WWOX: variants seen among roughly 807,000 people sequenced by gnomAD.
WWOX encodes the protein WW domain containing oxidoreductase.
WWOX carries 69 observed loss-of-function variants against 46.2 expected under a neutral mutation model. The ratio of observed to expected loss-of-function variants is 1.49; its 90% CI spans 1.23 to 1.82. WWOX has a LOEUF of 1.82. Ranked by LOEUF, WWOX falls within the 40% of genes most tolerant of loss-of-function variation. The probability of loss-of-function intolerance (pLI) is 0.00; values close to 1 mark genes in which losing one functional copy is unlikely to be tolerated. For missense variants in WWOX, 919 were observed against 542.6 expected, an observed-to-expected ratio of 1.69 and a Z score of -6.89; for synonymous variants, 359 against 202.6, an observed-to-expected ratio of 1.77 and a Z score of -6.56.
intron 8 of WWOX, among the ~76,000 whole-genome samples, chr16:79,198,014 C>G (rs930566348): frequency 1.2e-4 from 19 of 152,124 alleles, no homozygotes; most frequent in African/African-American, 4.6e-4. Flanking sequence ...CTACCAAAAT[C>G]TGAGGAACAA....
intron 8 of WWOX, among the ~76,000 whole-genome samples, chr16:78,469,812 G>C (rs1299257190): frequency 2.6e-5 from 4 of 152,142 alleles, no homozygotes; most frequent in African/African-American, 9.7e-5. Flanking sequence ...CCAGCCACAG[G>C]GCCAAGTGAC....
intron 8 of WWOX, among the ~76,000 whole-genome samples, chr16:78,599,180 A>G (rs1043135818): frequency 3.9e-5 from 6 of 152,186 alleles, no homozygotes; most frequent in Non-Finnish European, 7.3e-5. Context: ...CGGGATCAAG[A>G]CAGAAATGTA....
rs1397096257 is a variant in WWOX, at chr16:78,346,593, G to T, written c.517-40267G>T. Among the ~76,000 whole-genome samples, 4 of 119,174 alleles carry T rather than the reference G, an allele frequency of 3.4e-5. 1 individual carries two copies. Among genetic ancestry groups the T allele is most frequent in the Non-Finnish European group, 4.0e-5 (2 of 49,946 alleles). 78.2% of individuals were successfully genotyped at this position (119,174 alleles called of 152,430 possible). A position where few individuals can be genotyped will look rare whatever the true frequency, so the allele number is the denominator to read the frequency against. On this transcript the variant is annotated intron_variant, in intron 5 of 8. Transcript: ENST00000566780. Reference sequence around the variant, plus strand: ...ATTGGTCTTCTAAATTTTCTGTTTGGGTACATAGTGGTATTTTGTTGTATA... The same window carrying T: ...ATTGGTCTTCTAAATTTTCTGTTTGTGTACATAGTGGTATTTTGTTGTATA...
chr16:78,684,960 C>T (rs1405826775), intron 8 of WWOX, among the ~76,000 whole-genome samples: 1 of 152,196 alleles, frequency 6.6e-6, no homozygotes, highest in Admixed American at 6.5e-5. Flanking sequence ...TGCAAAATTG[C>T]ATCGTGGGCC....
intron 6 of WWOX, among the ~76,000 whole-genome samples, chr16:78,418,254 C>T (rs1210452968): frequency 1.3e-5 from 2 of 151,858 alleles, no homozygotes; most frequent in Non-Finnish European, 2.9e-5. Flanking sequence ...GGCCCAGCTA[C>T]TTGGGAGGCT....
chr16:78,372,696 A>G (rs917358746), intron 5 of WWOX, among the ~76,000 whole-genome samples: 2 of 152,110 alleles, frequency 1.3e-5, no homozygotes, highest in Non-Finnish European at 2.9e-5. Context: ...TTTAGCAGTT[A>G]TAGGCTTTTA....
intron 8 of WWOX, among the ~76,000 whole-genome samples, chr16:79,079,089 G>C (rs1006927685): frequency 2.0e-5 from 3 of 152,266 alleles, no homozygotes; most frequent in Admixed American, 6.5e-5. Context: ...AATATAAAAT[G>C]ACTTCTTGTT....
rs796890917 is a variant in WWOX, at chr16:78,624,003, A to C, written c.1056+191251A>C. Among the ~76,000 whole-genome samples the C allele has an allele frequency of 4.7e-3, 715 of 152,246 alleles. 7 individuals are homozygous for C. Among genetic ancestry groups the C allele is most frequent in the African/African-American group, 0.017 (689 of 41,552 alleles). On this transcript the variant is annotated intron_variant, in intron 8 of 8. Transcript: ENST00000566780. ...GAGGGGACTTCAAAGTCCAGGTTGC[A>C]CCATCCACTTTATAGATGAGGAAAG...
In WWOX at chr16:78,776,935, A is replaced by T. The variant is rs571949308; in HGVS notation, c.1056+344183A>T. ...CTCTCCCCTAACATGTGGGGATTACAGCTTGTATTACAATTCGAGATGAGA... is the reference window on the plus strand; with the variant it reads ...CTCTCCCCTAACATGTGGGGATTACTGCTTGTATTACAATTCGAGATGAGA... On this transcript the variant is annotated intron_variant, in intron 8 of 8. Transcript: ENST00000566780. Among the ~76,000 whole-genome samples, 106 of 152,316 alleles carry T rather than the reference A, an allele frequency of 7.0e-4. 1 individual carries two copies. Among genetic ancestry groups the T allele is most frequent in the African/African-American group, 2.5e-3 (105 of 41,560 alleles).
At chr16:78,149,399 A>G (rs2034320749) in intron 4 of WWOX, among the ~76,000 whole-genome samples, 2 of 152,346 alleles carry the variant, frequency 1.3e-5, no homozygotes, top group East Asian at 1.9e-4. Context: ...GCCCTTACAG[A>G]TAAATGTTTG....
At chr16:78,962,725 C>T (rs1488081257) in intron 8 of WWOX, among the ~76,000 whole-genome samples, 1 of 152,156 alleles carries the variant, frequency 6.6e-6, no homozygotes, top group Non-Finnish European at 1.5e-5. Flanking sequence ...ATTTATACAA[C>T]TGTGTAAACA....
intron 8 of WWOX, among the ~76,000 whole-genome samples, chr16:78,875,659 A>G (rs1206777352): frequency 6.6e-6 from 1 of 152,174 alleles, no homozygotes; most frequent in Non-Finnish European, 1.5e-5. Context: ...AGAAGCTTAG[A>G]AAGATGGAGG....
intron 5 of WWOX, among the ~76,000 whole-genome samples, chr16:78,182,798 A>G (rs1316955318): frequency 6.6e-6 from 1 of 151,904 alleles, no homozygotes; most frequent in Non-Finnish European, 1.5e-5. Context: ...TAAAAATACA[A>G]AAATTAGCAG....
chr16:78,162,804 T>A (rs2034840126), intron 4 of WWOX, among the ~76,000 whole-genome samples: 1 of 152,226 alleles, frequency 6.6e-6, no homozygotes, highest in South Asian at 2.1e-4. Context: ...TTTTTTTCTT[T>A]TTATGCTTCA....
At chr16:78,704,435 A>T (rs960025104) in intron 8 of WWOX, among the ~76,000 whole-genome samples, 3 of 152,172 alleles carry the variant, frequency 2.0e-5, no homozygotes, top group African/African-American at 4.8e-5. Flanking sequence ...AACAAGAATT[A>T]TAGTTTCTGT....
At chr16:79,049,865 G>C (rs1036065978) in intron 8 of WWOX, among the ~76,000 whole-genome samples, 3 of 151,116 alleles carry the variant, frequency 2.0e-5, no homozygotes, top group African/African-American at 7.3e-5. Flanking sequence ...TTACTTCTGA[G>C]TTAAAATATG....
At chr16:79,071,320 G>T (rs1037039571) in intron 8 of WWOX, among the ~76,000 whole-genome samples, 2 of 152,104 alleles carry the variant, frequency 1.3e-5, no homozygotes, top group Non-Finnish European at 2.9e-5. Flanking sequence ...AACATACTCT[G>T]AGCTTTTGAA....
At position 78,547,339 on chromosome 16, in the gene WWOX, A is replaced by C. The variant is rs2044065464; in HGVS notation, c.1056+114587A>C. On this transcript the variant is annotated intron_variant, in intron 8 of 8. Coordinates refer to ENST00000566780, the MANE Select transcript of WWOX (RefSeq NM_016373.4). ...ATTAGTATCCCCAATTTACAGATGA[A>C]AAAAATGAGGGACAGAGAGGTTAGA... Among the ~76,000 whole-genome samples, 3 of 152,068 alleles carry C rather than the reference A, an allele frequency of 2.0e-5. No homozygotes were observed. In the South Asian group the frequency reaches 6.2e-4, roughly 32 times the overall value.
chr16:78,541,236 A>G (rs944119248), intron 8 of WWOX, among the ~76,000 whole-genome samples: 4 of 151,750 alleles, frequency 2.6e-5, no homozygotes, highest in African/African-American at 9.7e-5. Flanking sequence ...GCACTCTGGG[A>G]GGCCGAGGCG....
Sources: allele counts gnomAD v4.1 joint callset (sites outside exome capture counted in the v4.1 genomes callset), GRCh38; gene constraint gnomAD v4.1.1; transcripts MANE v1.5; gene names NCBI Gene and HGNC (gene_info 2026-07-23, HGNC 2026-07-21).